PPP1R21: variants seen among roughly 807,000 people sequenced by gnomAD.
The protein encoded by PPP1R21 is KLRAQ motif containing 1.
Under a neutral mutation model 112.8 loss-of-function variants are expected in PPP1R21, and 85 were observed. The observed-to-expected ratio is 0.75, with a 90% CI of 0.63 to 0.90. The LOEUF (loss-of-function observed/expected upper bound fraction) is 0.90, where lower values mean the gene tolerates loss of function less well. Among genes scored for constraint, PPP1R21 ranks in the 40% least tolerant of loss-of-function variants. The probability of loss-of-function intolerance (pLI) is 0.00; values close to 1 mark genes in which losing one functional copy is unlikely to be tolerated. For synonymous variants in PPP1R21, 381 were observed against 322.3 expected, an observed-to-expected ratio of 1.18 and a Z score of -1.95; for missense variants, 1,199 against 901.5, an observed-to-expected ratio of 1.33 and a Z score of -4.23.
chr2:48,481,277 C>A (rs1056955172), intron 13 of PPP1R21, among the ~76,000 whole-genome samples: 4 of 152,254 alleles, frequency 2.6e-5, no homozygotes, highest in Non-Finnish European at 5.9e-5. Context: ...GCGTGAGCCA[C>A]TGGGCCTGGC....
At chr2:48,465,742 G>A in intron 9 of PPP1R21, 100 bp downstream of exon 9, 2 of 1,043,654 alleles carry the variant, frequency 1.9e-6, no homozygotes, top group Non-Finnish European at 1.3e-6. Context: ...TACTGCAAAG[G>A]ACATGGAAAA....
intron 13 of PPP1R21, among the ~76,000 whole-genome samples, chr2:48,483,594 T>G (rs1558483465): frequency 1.3e-5 from 2 of 152,304 alleles, no homozygotes; most frequent in East Asian, 3.9e-4. Context: ...TTGTACTGCT[T>G]TATAAGCTCA....
chr2:48,508,078 TAAAA>T (rs1189438492), intron 19 of PPP1R21, among the ~76,000 whole-genome samples: 1 of 139,806 alleles, frequency 7.2e-6, no homozygotes. Flanking sequence ...ACTCTGCCTT[TAAAA>T]AAAAAAAAAA....
At chr2:48,446,030 G>T (rs767899327) in intron 1 of PPP1R21, among the ~76,000 whole-genome samples, 1 of 152,142 alleles carries the variant, frequency 6.6e-6, no homozygotes, top group Non-Finnish European at 1.5e-5. Context: ...TCTTGCACAC[G>T]TCACTTTGTA....
At chr2:48,457,044 TC>T (rs1408519629) in intron 3 of PPP1R21, among the ~76,000 whole-genome samples, 2 of 146,572 alleles carry the variant, frequency 1.4e-5, no homozygotes, top group South Asian at 2.1e-4. Context: ...AGAGTGAGAC[TC>T]CCTCTCAAAA....
At chr2:48,447,336 A>C (rs1174113297) in intron 1 of PPP1R21, among the ~76,000 whole-genome samples, 1 of 152,146 alleles carries the variant, frequency 6.6e-6, no homozygotes, top group East Asian at 1.9e-4. Context: ...TGAATCAGAA[A>C]ATTACAAAAC....
At position 48,509,153 on chromosome 2, in the gene PPP1R21, A is replaced by G. The variant is rs187924472; in HGVS notation, c.2086-862A>G. Among the ~76,000 whole-genome samples, 11 of 152,326 alleles carry G rather than the reference A, an allele frequency of 7.2e-5. No homozygotes were observed. In the East Asian group the frequency reaches 2.1e-3, roughly 29 times the overall value. ...ACTCTCTGGATAGAGTAGGATTGGT[A>G]GAACCCCTAAAGAAAGCAGCCTGGA... On this transcript the variant is annotated intron_variant, in intron 19 of 21. Coordinates refer to ENST00000294952, the MANE Select transcript of PPP1R21 (RefSeq NM_001135629.3).
At chr2:48,447,270 G>C (rs1004138000) in intron 1 of PPP1R21, among the ~76,000 whole-genome samples, 5 of 152,160 alleles carry the variant, frequency 3.3e-5, no homozygotes, top group African/African-American at 1.2e-4. Flanking sequence ...TAGAGAACAG[G>C]TGGGATTTGG....
At chr2:48,484,164 A>G (rs2103909198) in intron 13 of PPP1R21, among the ~76,000 whole-genome samples, 1 of 152,264 alleles carries the variant, frequency 6.6e-6, no homozygotes, top group Non-Finnish European at 1.5e-5. Flanking sequence ...TTTGCCATGC[A>G]GAGATCTGTT....
At chr2:48,514,628 T>C (rs1670792120) in intron 21 of PPP1R21, 87 bp from the exon 22 acceptor site, 8 of 959,432 alleles carry the variant, frequency 8.3e-6, no homozygotes, top group East Asian at 2.5e-5. Context: ...AAGTGAAATA[T>C]GGCTTTCAGA....
At chr2:48,472,576 A>C (rs1160388484) in intron 11 of PPP1R21, among the ~76,000 whole-genome samples, 1 of 152,000 alleles carries the variant, frequency 6.6e-6, no homozygotes, top group Non-Finnish European at 1.5e-5. Context: ...CAGTGAGCCA[A>C]GGTCACATCA....
Position 48,452,606 on chromosome 2 carries a change from A to G in PPP1R21, c.126+1530A>G, listed in dbSNP as rs576933392. Among the ~76,000 whole-genome samples, 13 of 151,910 alleles carry G rather than the reference A, an allele frequency of 8.6e-5. No individual in the cohort carries two copies. In the South Asian group the frequency reaches 2.1e-3, roughly 24 times the overall value. On this transcript the variant is annotated intron_variant, in intron 2 of 21. Coordinates refer to ENST00000294952, the MANE Select transcript of PPP1R21 (RefSeq NM_001135629.3). ...GTAGTCATTGTAATTATAGTACAAC[A>G]AGTGACAATTTGCCAGTTTGCTAGA... is the stretch of plus-strand genomic sequence containing the variant.
intron 3 of PPP1R21, among the ~76,000 whole-genome samples, chr2:48,455,769 C>T (rs1387026981): frequency 1.3e-5 from 2 of 151,924 alleles, no homozygotes; most frequent in African/African-American, 4.8e-5. Flanking sequence ...AATCCCAGCA[C>T]TTTGGGAGGC....
At chr2:48,457,761 C>A (rs999112277) in intron 3 of PPP1R21, among the ~76,000 whole-genome samples, 1 of 152,170 alleles carries the variant, frequency 6.6e-6, no homozygotes. Context: ...CTATAACTCT[C>A]ATTTCCCAAA....
At chr2:48,446,220 C>A (rs748213257) in intron 1 of PPP1R21, among the ~76,000 whole-genome samples, 1 of 152,208 alleles carries the variant, frequency 6.6e-6, no homozygotes, top group Non-Finnish European at 1.5e-5. Flanking sequence ...AAAAACTCTT[C>A]CAACAGTTTG....
intron 7 of PPP1R21, among the ~76,000 whole-genome samples, chr2:48,462,967 A>T (rs1424783064): frequency 6.6e-6 from 1 of 152,202 alleles, no homozygotes. Context: ...AGAGGCAGTC[A>T]TGGGGAAGAT....
intron 18 of PPP1R21, among the ~76,000 whole-genome samples, chr2:48,505,913 G>A (rs183999731): frequency 9.8e-4 from 149 of 152,282 alleles, no homozygotes; most frequent in Non-Finnish European, 1.6e-3. Flanking sequence ...GCTGAGAGCC[G>A]TGTTAGTCCT....
intron 1 of PPP1R21, among the ~76,000 whole-genome samples, chr2:48,441,716 T>C (rs1480971554): frequency 6.6e-6 from 1 of 152,238 alleles, no homozygotes; most frequent in African/African-American, 2.4e-5. Context: ...TTAAATGATA[T>C]AACCCTTTCC....
Position 48,460,154 on chromosome 2 carries a change from G to C in PPP1R21, c.599+1G>C. The C allele has an allele frequency of 6.2e-7, 1 of 1,614,100 alleles. No homozygotes were observed. The highest frequency in any genetic ancestry group is 8.5e-7 in the Non-Finnish European group (1 of 1,179,982). Reference sequence around the variant, plus strand: ...AATGTCGACTTCGAACGGAAGAATGGTATGTGGAAACTTGAATTCCAAGAG... The same window carrying C: ...AATGTCGACTTCGAACGGAAGAATGCTATGTGGAAACTTGAATTCCAAGAG... On this transcript the variant is annotated splice_donor_variant, in intron 6 of 21. Transcript: ENST00000294952. LOFTEE classifies it high-confidence loss of function.
Sources: gnomAD v4.1 joint callset for allele counts (sites outside exome capture counted in the v4.1 genomes callset) on GRCh38, gnomAD v4.1.1 for gene constraint, MANE v1.5 for transcripts, NCBI Gene and HGNC (gene_info 2026-07-23, HGNC 2026-07-21) for gene names.